Variants in SCIN observed in about 807,000 individuals in gnomAD.
SCIN encodes the protein scinderin, also known as adseverin.
Under a neutral mutation model 91.8 loss-of-function variants are expected in SCIN, and 91 were observed. That is an observed-to-expected ratio of 0.99 (90% CI 0.84 to 1.18). The LOEUF (loss-of-function observed/expected upper bound fraction) is 1.18, where lower values mean the gene tolerates loss of function less well. SCIN is among the 50% of genes most tolerant of loss of function. SCIN has a pLI of 0.00. For synonymous variants in SCIN, 367 were observed against 312.6 expected (o/e 1.17, Z -1.84); for missense variants, 1,087 against 863.9 (o/e 1.26, Z -3.24).
chr7:12,575,754 C>T, intron 1 of SCIN, among the ~76,000 whole-genome samples: 1 of 151,536 alleles, frequency 6.6e-6, no homozygotes, highest in African/African-American at 2.4e-5. Flanking sequence ...AAATCATAAG[C>T]AGATTCGTAG....
chr7:12,586,133 C>T (rs1385670634), intron 3 of SCIN, among the ~76,000 whole-genome samples: 1 of 152,206 alleles, frequency 6.6e-6, no homozygotes, highest in African/African-American at 2.4e-5. Context: ...CTTACAGTCA[C>T]TCAACAGATG....
Position 12,581,181 on chromosome 7 carries a change from GTT to G in SCIN, c.478_479del (p.Phe160GlnfsTer4). ...ACAGAAGTTCCCCTTAGCTGGGACAGTTTCAACAAGGGTGACTGCTTCATCAT... is the reference window on the plus strand; with the variant it reads ...ACAGAAGTTCCCCTTAGCTGGGACAGTCAACAAGGGTGACTGCTTCATCAT... On this transcript the variant is annotated frameshift_variant, in exon 3 of 16. Transcript: ENST00000297029. LOFTEE classifies it high-confidence loss of function. 6.4e-7 allele frequency: 1 copy of G among 1,551,468 alleles called. No homozygotes were observed. The highest frequency in any genetic ancestry group is 8.7e-7 in the Non-Finnish European group (1 of 1,146,804).
rs57870264 is a variant in SCIN, at chr7:12,653,324, T to C, written c.*609T>C. 3 of 152,288 alleles carry C rather than the reference T, an allele frequency of 2.0e-5. No individual in the cohort carries two copies. The highest frequency in any genetic ancestry group is 3.9e-4 in the East Asian group (2 of 5,180). The allele number at this position is 152,288 out of a possible 1,614,324, so 9.4% of individuals were successfully genotyped here. ...ACTATGCATAATCTAGAAAGATTTG[T>C]CAGATAGGAAATTTTATAATGCATT... On this transcript the variant is annotated 3_prime_UTR_variant, in exon 16 of 16. Coordinates refer to ENST00000297029, the MANE Select transcript of SCIN (RefSeq NM_001112706.3). The surrounding 1 kb of genome is among the most constrained non-coding windows in gnomAD (Gnocchi z 4.1).
At chr7:12,646,206 A>G (rs1444901072) in intron 13 of SCIN, among the ~76,000 whole-genome samples, 1 of 152,230 alleles carries the variant, frequency 6.6e-6, no homozygotes, top group Admixed American at 6.5e-5. Context: ...GTCTTAGTTC[A>G]AGCTCCTATC....
intron 4 of SCIN, among the ~76,000 whole-genome samples, chr7:12,621,918 A>G (rs1038153110): frequency 2.6e-5 from 4 of 151,838 alleles, no homozygotes; most frequent in African/African-American, 9.7e-5. Context: ...TATAAAACAC[A>G]TTATGTAAGG....
chr7:12,643,087 A>G (rs2066687116), intron 11 of SCIN, among the ~76,000 whole-genome samples: 1 of 152,198 alleles, frequency 6.6e-6, no homozygotes, highest in African/African-American at 2.4e-5. Context: ...AAAATGCACC[A>G]TTGTTACATT....
At chr7:12,619,731 C>A (rs752515801) in intron 4 of SCIN, among the ~76,000 whole-genome samples, 14 of 151,976 alleles carry the variant, frequency 9.2e-5, no homozygotes, top group Non-Finnish European at 1.9e-4. Context: ...AGAAATAAGG[C>A]AGGGTAGATG....
intron 1 of SCIN, among the ~76,000 whole-genome samples, chr7:12,573,944 G>A (rs1330541899): frequency 6.6e-6 from 1 of 152,104 alleles, no homozygotes; most frequent in Non-Finnish European, 1.5e-5. Flanking sequence ...GGAGCATGGG[G>A]GTGGGTACAT....
At chr7:12,618,538 C>T (rs766097335) in intron 4 of SCIN, among the ~76,000 whole-genome samples, 1 of 152,094 alleles carries the variant, frequency 6.6e-6, no homozygotes, top group African/African-American at 2.4e-5. Context: ...GAGAGAGCAG[C>T]AGAGTAAATG....
At chr7:12,644,354 T>C (rs891015892) in intron 12 of SCIN, 39 bp downstream of exon 12, 4 of 1,538,304 alleles carry the variant, frequency 2.6e-6, no homozygotes, top group African/African-American at 2.8e-5. Flanking sequence ...CTAGAATTTA[T>C]ACTGATACGA....
At chr7:12,647,552 T>C (rs1783990847) in intron 13 of SCIN, among the ~76,000 whole-genome samples, 1 of 152,192 alleles carries the variant, frequency 6.6e-6, no homozygotes, top group African/African-American at 2.4e-5. Context: ...TCTAAAATGG[T>C]GGTAATCTTA....
chr7:12,585,267 A>G (rs529097237), intron 3 of SCIN, among the ~76,000 whole-genome samples: 27 of 152,032 alleles, frequency 1.8e-4, no homozygotes, highest in Admixed American at 7.2e-4. Context: ...TTGTGTTGCA[A>G]CCCACACTTT....
At chr7:12,650,578 A>G (rs76711253) in intron 14 of SCIN, among the ~76,000 whole-genome samples, 3,288 of 152,222 alleles carry the variant, frequency 0.022, 55 homozygotes, top group Non-Finnish European at 0.035. Context: ...TTTCAGTATG[A>G]AATAGAACAC....
At chr7:12,613,079 G>A (rs1169249180) in intron 4 of SCIN, among the ~76,000 whole-genome samples, 1 of 152,092 alleles carries the variant, frequency 6.6e-6, no homozygotes. Flanking sequence ...ACAGGGGAGA[G>A]GGATGGATCT....
intron 3 of SCIN, among the ~76,000 whole-genome samples, chr7:12,597,622 T>C (rs77477181): frequency 0.015 from 2,303 of 152,278 alleles, 28 homozygotes; most frequent in Non-Finnish European, 0.025. Flanking sequence ...ACACATAGTT[T>C]AAAGAAATTT....
chr7:12,615,011 C>G (rs1019832627), intron 4 of SCIN, among the ~76,000 whole-genome samples: 3 of 152,088 alleles, frequency 2.0e-5, no homozygotes, highest in Non-Finnish European at 4.4e-5. Flanking sequence ...ATGTAACTTG[C>G]TTAAGTAGAA....
intron 13 of SCIN, 132 bp downstream of exon 13, chr7:12,644,837 G>A: frequency 5.3e-6 from 4 of 756,146 alleles, no homozygotes; most frequent in Non-Finnish European, 8.1e-6. Flanking sequence ...CCAACATGTA[G>A]AAACCGTCTC....
At chr7:12,571,355 C>T (rs1396630207) in intron 1 of SCIN, 5 of 356,948 alleles carry the variant, frequency 1.4e-5, no homozygotes, top group South Asian at 1.1e-4. Context: ...CCCCGCTCAC[C>T]TTCCGACAAA....
intron 1 of SCIN, among the ~76,000 whole-genome samples, chr7:12,576,583 T>G (rs975874906): frequency 8.5e-5 from 13 of 152,162 alleles, no homozygotes; most frequent in Non-Finnish European, 1.9e-4. Context: ...ATGGAAGAAA[T>G]TAACATACCT....
Sources: gnomAD v4.1 joint callset for allele counts (sites outside exome capture counted in the v4.1 genomes callset) on GRCh38, gnomAD v4.1.1 for gene constraint, Gnocchi (gnomAD v3.1) non-coding constraint, MANE v1.5 for transcripts, NCBI Gene and HGNC (gene_info 2026-07-23, HGNC 2026-07-21) for gene names.